The following BACE2 variants were observed in gnomAD, a reference collection of about 807,000 sequenced individuals.
BACE2 encodes the protein beta-secretase 2.
Under a neutral mutation model 46.2 loss-of-function variants are expected in BACE2, and 17 were observed. The observed-to-expected ratio is 0.37, with a 90% CI of 0.25 to 0.55. BACE2 has a LOEUF of 0.55. Among genes scored for constraint, BACE2 ranks in the 20% least tolerant of loss-of-function variants. The probability of loss-of-function intolerance (pLI) is 0.82; values close to 1 mark genes in which losing one functional copy is unlikely to be tolerated. For synonymous variants in BACE2, 277 were observed against 295.9 expected (o/e 0.94, Z 0.66); for missense variants, 595 against 698.1 (o/e 0.85, Z 1.66).
intron 1 of BACE2, chr21:41,178,948 G>T: frequency 8.6e-6 from 4 of 466,386 alleles, no homozygotes; most frequent in South Asian, 2.7e-5. Flanking sequence ...TTATAAGGGC[G>T]GTTATGGAAG....
intron 1 of BACE2, among the ~76,000 whole-genome samples, chr21:41,208,109 G>A (rs1986185390): frequency 1.3e-5 from 2 of 152,228 alleles, no homozygotes; most frequent in Non-Finnish European, 2.9e-5. Context: ...GAGGAACAGA[G>A]CCTTAGGATG....
At chr21:41,243,222 T>A (rs1987357280) in intron 4 of BACE2, among the ~76,000 whole-genome samples, 154 bp from the exon 5 acceptor site, 2 of 152,230 alleles carry the variant, frequency 1.3e-5, no homozygotes, top group Admixed American at 1.3e-4. Flanking sequence ...CCTTGTTTAT[T>A]TTTTAAGCAT....
At chr21:41,227,196 T>G (rs540461428) in intron 2 of BACE2, among the ~76,000 whole-genome samples, 24 of 152,352 alleles carry the variant, frequency 1.6e-4, no homozygotes, top group African/African-American at 5.5e-4. Context: ...GACAGCCAGG[T>G]AAATTTAAAT....
Position 41,187,285 on chromosome 21 carries a change from G to T in BACE2, c.312+18710G>T, listed in dbSNP as rs190713637. Among the ~76,000 whole-genome samples, 6 of 152,298 alleles carry T rather than the reference G, an allele frequency of 3.9e-5. No homozygotes were observed. In the East Asian group the frequency reaches 1.2e-3, roughly 29 times the overall value. On this transcript the variant is annotated intron_variant, in intron 1 of 8. Transcript: ENST00000330333. ...GCTCACAGGGGGTTCACTCTTCAGC[G>T]TTTCTGGCTCAATAGCTGGCCAAAG...
intron 1 of BACE2, chr21:41,175,943 C>G (rs1302397795): frequency 6.6e-6 from 1 of 152,152 alleles, no homozygotes; most frequent in African/African-American, 2.4e-5. Context: ...GACAAGCAGA[C>G]AGAATTGTGT....
intron 1 of BACE2, among the ~76,000 whole-genome samples, chr21:41,221,265 A>G (rs1187012753): frequency 6.6e-6 from 1 of 152,168 alleles, no homozygotes; most frequent in Admixed American, 6.5e-5. Context: ...GCAGATGCCC[A>G]GGACTGTCGT....
At chr21:41,178,464 G>A (rs942481805) in intron 1 of BACE2, 1 of 152,276 alleles carries the variant, frequency 6.6e-6, no homozygotes, top group Non-Finnish European at 1.5e-5. Flanking sequence ...GCTGGGTGTG[G>A]CGGCTCCATG....
intron 1 of BACE2, among the ~76,000 whole-genome samples, chr21:41,216,713 G>A (rs890853685): frequency 6.6e-6 from 1 of 152,230 alleles, no homozygotes; most frequent in Non-Finnish European, 1.5e-5. Flanking sequence ...CTGCTGTGTG[G>A]AGGGCAAGTC....
At chr21:41,221,044 T>TAAA (rs59801748) in intron 1 of BACE2, among the ~76,000 whole-genome samples, 5 of 132,718 alleles carry the variant, frequency 3.8e-5, no homozygotes, top group Admixed American at 7.7e-5. Context: ...AAAAGTATAT[T>TAAA]AAAAAAAAAA....
At chr21:41,230,035 A>G (rs1370894274) in intron 2 of BACE2, 2 of 152,244 alleles carry the variant, frequency 1.3e-5, no homozygotes, top group African/African-American at 4.8e-5. Context: ...CACTTCCACC[A>G]TTCAAATTCA....
At chr21:41,192,978 G>T (rs939287007) in intron 1 of BACE2, among the ~76,000 whole-genome samples, 1 of 152,148 alleles carries the variant, frequency 6.6e-6, no homozygotes, top group African/African-American at 2.4e-5. Context: ...GAGGTAGAAG[G>T]TCCCTGAATT....
In BACE2 at chr21:41,237,544, G is replaced by C. The variant is rs369116567; in HGVS notation, c.433G>C (p.Val145Leu). Residue 145 changes from valine (V) to leucine (L), a missense_variant, in exon 3 of 9, where the codon GTC becomes CTC. By Grantham distance (32) the Val-to-Leu change is conservative (BLOSUM62 1). Transcript: ENST00000330333. ...CACATACCGCTCCAAGGGCTTTGAC[G>C]TCACAGTGAAGTACACACAAGGAAG... ...SSTYRSKGFD[V>L]TVKYTQGSWT... The C allele has an allele frequency of 5.6e-6, 9 of 1,613,998 alleles. No homozygotes were observed. Among genetic ancestry groups the C allele is most frequent in the Non-Finnish European group, 7.6e-6 (9 of 1,180,014 alleles).
intron 1 of BACE2, 139 bp downstream of exon 1, chr21:41,168,714 GCTC>G: frequency 1.6e-6 from 1 of 607,332 alleles, no homozygotes; most frequent in Non-Finnish European, 2.4e-6. Flanking sequence ...ACGCAGAGGG[GCTC>G]GGGTGGGCCG....
At chr21:41,226,909 G>A (rs924145818) in intron 2 of BACE2, among the ~76,000 whole-genome samples, 1 of 152,222 alleles carries the variant, frequency 6.6e-6, no homozygotes, top group African/African-American at 2.4e-5. Flanking sequence ...TAAGGGCCAA[G>A]ACTGGGGCTG....
At chr21:41,199,880 T>C in intron 1 of BACE2, among the ~76,000 whole-genome samples, 1 of 152,178 alleles carries the variant, frequency 6.6e-6, no homozygotes, top group Middle Eastern at 3.4e-3. Flanking sequence ...AACCTCTTCT[T>C]CCCACCTATG....
intron 8 of BACE2, among the ~76,000 whole-genome samples, chr21:41,271,800 C>G (rs183447779): frequency 7.9e-5 from 12 of 152,250 alleles, no homozygotes; most frequent in Non-Finnish European, 1.5e-4. Context: ...TCCATTTTAC[C>G]TATGCCTATA....
At chr21:41,205,117 A>G (rs1201221431) in intron 1 of BACE2, among the ~76,000 whole-genome samples, 1 of 152,242 alleles carries the variant, frequency 6.6e-6, no homozygotes, top group Non-Finnish European at 1.5e-5. Flanking sequence ...CAAAAAGATT[A>G]CTGTAAAACG....
chr21:41,253,235 T>C (rs1276667894), intron 7 of BACE2, among the ~76,000 whole-genome samples: 1 of 151,572 alleles, frequency 6.6e-6, no homozygotes, highest in Non-Finnish European at 1.5e-5. Context: ...AGGTCAGGAG[T>C]TCGAGACCAG....
At position 41,241,988 on chromosome 21, in the gene BACE2, T is replaced by C. The variant is rs771651582; in HGVS notation, c.747+41T>C. 2.5e-6 allele frequency: 4 copies of C among 1,607,934 alleles called. No homozygotes were observed. The South Asian group carries it at 3.3e-5, about 13-fold the overall frequency. Reference sequence around the variant, plus strand: ...TCTTAAAGGGGCGAAAAATCACAGATGGATGGGCTGTTTTTTTCTGTTTTA... The same window carrying C: ...TCTTAAAGGGGCGAAAAATCACAGACGGATGGGCTGTTTTTTTCTGTTTTA... On this transcript the variant is annotated intron_variant, in intron 4 of 8. Transcript: ENST00000330333.
Sources: allele counts gnomAD v4.1 joint callset (sites outside exome capture counted in the v4.1 genomes callset), GRCh38; gene constraint gnomAD v4.1.1; transcripts MANE v1.5; gene names NCBI Gene and HGNC (gene_info 2026-07-23, HGNC 2026-07-21).